Variants in GPC3 observed in about 807,000 individuals in gnomAD.
The protein encoded by GPC3 is glypican-3.
A neutral mutation model predicts 34.4 loss-of-function variants in GPC3; 3 were observed. The ratio of observed to expected loss-of-function variants is 0.09; its 90% CI spans 0.04 to 0.23. GPC3 has a LOEUF of 0.23. GPC3 is among the 10% of genes least tolerant of loss of function. The pLI is 1.00. For synonymous variants in GPC3, 177 were observed against 174.0 expected (o/e 1.02, Z -0.13); for missense variants, 351 against 445.6 (o/e 0.79, Z 1.91).
intron 2 of GPC3, among the ~76,000 whole-genome samples, chrX:133,761,045 A>T (rs981159675): frequency 4.5e-5 from 5 of 111,203 alleles, no homozygotes; most frequent in African/African-American, 1.6e-4. Flanking sequence ...GAAGAGTGTT[A>T]AATCACTCCC....
chrX:133,800,066 C>T, intron 2 of GPC3, among the ~76,000 whole-genome samples: 1 of 112,266 alleles, frequency 8.9e-6, no homozygotes, highest in Non-Finnish European at 1.9e-5. Context: ...ATTAACCTTG[C>T]ACTTTATTTG....
chrX:133,669,836 A>C (rs546209263), intron 5 of GPC3, among the ~76,000 whole-genome samples: 1 of 112,143 alleles, frequency 8.9e-6, no homozygotes, highest in South Asian at 3.7e-4. Context: ...GTTACCTTAC[A>C]TGCGGCGTCT....
chrX:133,750,258 T>C (rs1380231392), intron 3 of GPC3, among the ~76,000 whole-genome samples: 1 of 112,186 alleles, frequency 8.9e-6, no homozygotes. Context: ...TGTAGCAGGA[T>C]TGGCAGCCAG....
At chrX:133,945,352 C>T (rs1452094550) in intron 2 of GPC3, among the ~76,000 whole-genome samples, 2 of 110,992 alleles carry the variant, frequency 1.8e-5, no homozygotes, top group Non-Finnish European at 3.8e-5. Context: ...GATAGTGCCA[C>T]TGCACTCCAG....
chrX:133,888,234 C>A (rs1448281153), intron 2 of GPC3, among the ~76,000 whole-genome samples: 2 of 111,088 alleles, frequency 1.8e-5, no homozygotes, highest in East Asian at 5.6e-4. Flanking sequence ...TCATCCATGT[C>A]CCTGCAAAGG....
At chrX:133,875,682 C>T (rs1223623606) in intron 2 of GPC3, among the ~76,000 whole-genome samples, 1 of 111,249 alleles carries the variant, frequency 9.0e-6, no homozygotes, top group Non-Finnish European at 1.9e-5. Context: ...GTTTCTTTGT[C>T]ACTCAGCCTA....
At chrX:133,948,441 C>A (rs183247134) in intron 2 of GPC3, among the ~76,000 whole-genome samples, 2 of 110,661 alleles carry the variant, frequency 1.8e-5, no homozygotes, top group East Asian at 2.9e-4. Context: ...CCCTCCCCCC[C>A]ATTCAGAGAT....
intron 2 of GPC3, among the ~76,000 whole-genome samples, chrX:133,883,315 C>T (rs933007177): frequency 9.0e-6 from 1 of 111,513 alleles, no homozygotes; most frequent in Non-Finnish European, 1.9e-5. Context: ...AAATAGCCCC[C>T]TTTGTACAAT....
chrX:133,803,027 A>G (rs1432512881), intron 2 of GPC3, among the ~76,000 whole-genome samples: 2 of 107,484 alleles, frequency 1.9e-5, no homozygotes, highest in African/African-American at 6.8e-5. Context: ...TCCTGGTTCA[A>G]GCAGTTCTCC....
intron 6 of GPC3, among the ~76,000 whole-genome samples, chrX:133,658,252 C>G (rs2070684474): frequency 8.9e-6 from 1 of 112,110 alleles, no homozygotes; most frequent in Non-Finnish European, 1.9e-5. Flanking sequence ...CTTTCTGCCT[C>G]AGTTTCTCTA....
At chrX:133,965,671 A>C (rs997099859) in intron 1 of GPC3, among the ~76,000 whole-genome samples, 3 of 111,958 alleles carry the variant, frequency 2.7e-5, no homozygotes, top group Non-Finnish European at 5.6e-5. Flanking sequence ...AGGTAATTTG[A>C]TATGGCAGCC....
intron 4 of GPC3, among the ~76,000 whole-genome samples, chrX:133,698,826 TCTC>T (rs776577240): frequency 2.7e-5 from 3 of 111,540 alleles, no homozygotes; most frequent in South Asian, 7.7e-4. Context: ...AATTCCCACT[TCTC>T]CTCTCTCCCT....
At chrX:133,654,043 G>T (rs2070627234) in intron 6 of GPC3, among the ~76,000 whole-genome samples, 2 of 111,555 alleles carry the variant, frequency 1.8e-5, no homozygotes, top group Non-Finnish European at 3.8e-5. Context: ...ATATAATTCT[G>T]CCCTTTAGCA....
At chrX:133,558,029 G>A (rs921651035) in intron 7 of GPC3, among the ~76,000 whole-genome samples, 6 of 110,799 alleles carry the variant, frequency 5.4e-5, no homozygotes, top group Admixed American at 1.9e-4. Flanking sequence ...AAATCCGGTC[G>A]GACAGCAATT....
intron 3 of GPC3, among the ~76,000 whole-genome samples, chrX:133,721,963 G>T (rs1030683280): frequency 7.2e-5 from 8 of 111,193 alleles, no homozygotes; most frequent in Admixed American, 1.9e-4. Context: ...GCACTTTGGG[G>T]CTTCAAAGGA....
chrX:133,642,844 A>G (rs1315315123), intron 6 of GPC3, among the ~76,000 whole-genome samples: 1 of 110,177 alleles, frequency 9.1e-6, no homozygotes, highest in Non-Finnish European at 1.9e-5. Flanking sequence ...AAGTGCATAC[A>G]ATGTGATAGG....
intron 1 of GPC3, among the ~76,000 whole-genome samples, chrX:133,955,447 A>T (rs937085179): frequency 1.3e-4 from 14 of 110,888 alleles, no homozygotes; most frequent in African/African-American, 4.3e-4. Context: ...ATTTTCCTTC[A>T]TAAGTGTTTT....
intron 7 of GPC3, among the ~76,000 whole-genome samples, chrX:133,588,119 C>A (rs984984111): frequency 7.2e-5 from 8 of 111,495 alleles, no homozygotes; most frequent in Non-Finnish European, 1.3e-4. Flanking sequence ...GCAGTCACTA[C>A]AAGATCTTGC....
At chrX:133,765,808 CCTCTTA>C (rs1435884069) in intron 2 of GPC3, among the ~76,000 whole-genome samples, 1 of 111,878 alleles carries the variant, frequency 8.9e-6, no homozygotes, top group East Asian at 2.8e-4. Context: ...GCAACAGACT[CCTCTTA>C]CCCGTTGTTA....
Sources: allele counts gnomAD v4.1 joint callset (sites outside exome capture counted in the v4.1 genomes callset), GRCh38; gene constraint gnomAD v4.1.1; transcripts MANE v1.5; gene names NCBI Gene and HGNC (gene_info 2026-07-23, HGNC 2026-07-21).